Variants in TSNAX observed in about 807,000 individuals in gnomAD.
TSNAX encodes the protein translin-associated protein X.
In TSNAX, 12 loss-of-function variants were observed where a neutral mutation model predicts 33.0. The ratio of observed to expected loss-of-function variants is 0.36; its 90% CI spans 0.23 to 0.59. TSNAX has a LOEUF of 0.59. Among genes scored for constraint, TSNAX ranks in the 20% least tolerant of loss-of-function variants. The pLI, the probability that TSNAX is intolerant of heterozygous loss-of-function variation, is 0.74. For synonymous variants in TSNAX, 110 were observed against 117.2 expected (o/e 0.94, Z 0.40); for missense variants, 267 against 341.3 (o/e 0.78, Z 1.72).
At chr1:231,541,125 T>C (rs1211992724) in intron 3 of TSNAX, among the ~76,000 whole-genome samples, 2 of 152,220 alleles carry the variant, frequency 1.3e-5, no homozygotes, top group African/African-American at 2.4e-5. Flanking sequence ...AAATCTACCA[T>C]CTATTCTTCT....
chr1:231,539,029 T>A (rs1156976429), intron 3 of TSNAX, among the ~76,000 whole-genome samples: 1 of 152,140 alleles, frequency 6.6e-6, no homozygotes, highest in Non-Finnish European at 1.5e-5. Flanking sequence ...TTAAATGGAA[T>A]CTAATTTGCC....
chr1:231,562,930 A>G (rs1422539855), intron 5 of TSNAX, among the ~76,000 whole-genome samples: 1 of 152,220 alleles, frequency 6.6e-6, no homozygotes, highest in Non-Finnish European at 1.5e-5. Flanking sequence ...TCATATTCCC[A>G]TAGCTCAACG....
At chr1:231,555,714 T>TG (rs2124933282) in intron 4 of TSNAX, among the ~76,000 whole-genome samples, 1 of 152,326 alleles carries the variant, frequency 6.6e-6, no homozygotes, top group African/African-American at 2.4e-5. Flanking sequence ...CTTACTGTAT[T>TG]GCAGTATTTG....
chr1:231,529,180 G>A (rs1036578418), intron 1 of TSNAX, 75 bp from the exon 2 acceptor site: 2 of 1,458,208 alleles, frequency 1.4e-6, no homozygotes, highest in Admixed American at 1.8e-5. Flanking sequence ...AAAGCAAGGA[G>A]TAGGTTTGTC....
At chr1:231,547,584 T>A (rs1660012285) in intron 4 of TSNAX, among the ~76,000 whole-genome samples, 1 of 151,338 alleles carries the variant, frequency 6.6e-6, no homozygotes, top group Non-Finnish European at 1.5e-5. Context: ...AGAGGTGGGG[T>A]TTCACTATGT....
intron 4 of TSNAX, among the ~76,000 whole-genome samples, chr1:231,549,304 C>A (rs1660149001): frequency 6.6e-6 from 1 of 152,078 alleles, no homozygotes; most frequent in African/African-American, 2.4e-5. Flanking sequence ...ATTAGCTGGA[C>A]ATGGTGGCGT....
intron 3 of TSNAX, among the ~76,000 whole-genome samples, chr1:231,537,692 G>C (rs1659270894): frequency 6.9e-6 from 1 of 144,886 alleles, no homozygotes; most frequent in Admixed American, 7.1e-5. Flanking sequence ...AGTGTGCCAA[G>C]ATCCCACCAC....
At chr1:231,541,556 T>C (rs1190791308) in intron 3 of TSNAX, among the ~76,000 whole-genome samples, 10 of 151,994 alleles carry the variant, frequency 6.6e-5, no homozygotes, top group Admixed American at 2.0e-4. Flanking sequence ...CAATATGTTA[T>C]GATTTTTACT....
intron 4 of TSNAX, among the ~76,000 whole-genome samples, chr1:231,560,560 T>A (rs997293979): frequency 2.7e-5 from 4 of 150,306 alleles, no homozygotes; most frequent in Admixed American, 1.3e-4. Context: ...GATTACGGGC[T>A]CCTGCCACCA....
chr1:231,541,142 C>A lies in TSNAX; in HGVS notation c.237-1339C>A, dbSNP rs1394681419. Among the ~76,000 whole-genome samples, 6 of 152,232 alleles carry A rather than the reference C, an allele frequency of 3.9e-5. No individual in the cohort carries two copies. In the East Asian group the frequency reaches 1.2e-3, roughly 29 times the overall value. ...ATCTACCATCTATTCTTCTCTCCTT[C>A]CTGCCTTATTTTGGATAATTTTTTA... On this transcript the variant is annotated intron_variant, in intron 3 of 5. Transcript: ENST00000366639.
intron 3 of TSNAX, among the ~76,000 whole-genome samples, chr1:231,541,651 C>A (rs1418989847): frequency 6.6e-6 from 1 of 152,106 alleles, no homozygotes; most frequent in Non-Finnish European, 1.5e-5. Flanking sequence ...TGTATAGATT[C>A]AGATTTTTAT....
intron 4 of TSNAX, among the ~76,000 whole-genome samples, chr1:231,559,022 T>C (rs1660867680): frequency 6.6e-6 from 1 of 152,170 alleles, no homozygotes; most frequent in Non-Finnish European, 1.5e-5. Flanking sequence ...GATGTGATGA[T>C]ACTACAGCTG....
chr1:231,538,946 A>AG (rs1278098003), intron 3 of TSNAX, among the ~76,000 whole-genome samples: 1 of 152,106 alleles, frequency 6.6e-6, no homozygotes, highest in African/African-American at 2.4e-5. Flanking sequence ...AAAAAAAAAA[A>AG]AAAGATACTG....
rs1479237532 is a variant in TSNAX, at chr1:231,528,840, C to T, written c.16+14C>T. The T allele has an allele frequency of 6.2e-7, 1 of 1,614,202 alleles. No homozygotes were observed. The highest frequency in any genetic ancestry group is 8.5e-7 in the Non-Finnish European group (1 of 1,180,036). On this transcript the variant is annotated intron_variant, in intron 1 of 5. Transcript: ENST00000366639. ...GCAACAAAGAAGGTGGCGTCCTTAACAACACGGGGCGTTATTTATCCGGAG... is the reference window on the plus strand; with the variant it reads ...GCAACAAAGAAGGTGGCGTCCTTAATAACACGGGGCGTTATTTATCCGGAG...
chr1:231,565,155 A>G lies in TSNAX; in HGVS notation c.*250A>G. 2.5e-6 allele frequency: 1 copy of G among 399,220 alleles called. No individual in the cohort carries two copies. The highest frequency in any genetic ancestry group is 4.5e-6 in the Non-Finnish European group (1 of 223,894). The allele number at this position is 399,220 out of a possible 1,614,324, so 24.7% of individuals were successfully genotyped here. A position where few individuals can be genotyped will look rare whatever the true frequency, so the allele number is the denominator to read the frequency against. On this transcript the variant is annotated 3_prime_UTR_variant, in exon 6 of 6. Coordinates refer to ENST00000366639, the MANE Select transcript of TSNAX (RefSeq NM_005999.3). ...TTTGAATTTTTGCTGGTTAACCTTTATCATTTATCTTTGTAATGTGAACAT... is the reference window on the plus strand; with the variant it reads ...TTTGAATTTTTGCTGGTTAACCTTTGTCATTTATCTTTGTAATGTGAACAT...
intron 2 of TSNAX, among the ~76,000 whole-genome samples, chr1:231,530,121 C>CAG (rs781466438): frequency 2.6e-5 from 4 of 152,048 alleles, no homozygotes; most frequent in Admixed American, 6.6e-5. Context: ...TGGCCTCCTT[C>CAG]AGAGAGAGAG....
At chr1:231,532,131 A>AACACACACACAC (rs745744924) in intron 2 of TSNAX, among the ~76,000 whole-genome samples, 3,372 of 84,946 alleles carry the variant, frequency 0.04, 187 homozygotes, top group East Asian at 0.076. Flanking sequence ...TAGTGGTAAT[A>AACACACACACAC]ACACACACAC....
In TSNAX at chr1:231,530,960, G is replaced by GTT. The variant is rs71179783; in HGVS notation, c.121+1615_121+1616dup. 9.4e-3 allele frequency among the ~76,000 whole-genome samples: 1,309 copies of GTT among 139,212 alleles called. 28 individuals carry two copies. Among genetic ancestry groups the GTT allele is most frequent in the African/African-American group, 0.032 (1,214 of 38,148 alleles). The allele number at this position is 139,212 out of a possible 152,430, so 91.3% of individuals were successfully genotyped here. ...CCGTCTGCTGAACTACAGTTTTTTG[G>GTT]TTTTTTTTTTTTTTTGAGACAGAGT... On this transcript the variant is annotated intron_variant, in intron 2 of 5. Coordinates refer to ENST00000366639, the MANE Select transcript of TSNAX (RefSeq NM_005999.3).
At chr1:231,532,690 CTT>C (rs201013415) in intron 2 of TSNAX, among the ~76,000 whole-genome samples, 2,080 of 152,150 alleles carry the variant, frequency 0.014, 57 homozygotes, top group African/African-American at 0.047. Context: ...GTGATAATCT[CTT>C]GTTTACTAAG....
Sources: gnomAD v4.1 joint callset for allele counts (sites outside exome capture counted in the v4.1 genomes callset) on GRCh38, gnomAD v4.1.1 for gene constraint, MANE v1.5 for transcripts, NCBI Gene and HGNC (gene_info 2026-07-23, HGNC 2026-07-21) for gene names.